FLG: variants seen among roughly 807,000 people sequenced by gnomAD.
FLG encodes filaggrin.
Under a neutral mutation model 3.8 loss-of-function variants are expected in FLG, and 6 were observed. The observed-to-expected ratio is 1.60, with a 90% CI of 0.87 to 3.15. The LOEUF is 3.15. FLG is among the 30% of genes most tolerant of loss of function. FLG has a pLI of 0.00. For missense variants in FLG, 7,595 were observed against 5,050.9 expected (o/e 1.50, Z -15.27); for synonymous variants, 2,551 against 1,931.6 (o/e 1.32, Z -8.41).
chr1:152,323,808 T>G (rs1334179952), intron 1 of FLG, among the ~76,000 whole-genome samples: 6 of 151,748 alleles, frequency 4.0e-5, no homozygotes, highest in Non-Finnish European at 8.8e-5. Flanking sequence ...TACATATGTG[T>G]AACCAAAAGT....
Position 152,309,460 on chromosome 1 carries a change from C to T in FLG, c.5426G>A (p.Gly1809Asp). ...DSSRHSASQE[G>D]QDTIRGHPGS... ...TGGGTGTCCACGAATGGTGTCCTGA[C>T]CCTCTTGGGACGCTGAGTGCCTGGA... Residue 1809 changes from glycine to aspartate, a missense_variant, in exon 3 of 3, where the codon GGT (glycine) becomes GAT (aspartate). Physicochemically the swap from Gly to Asp is moderately conservative, Grantham distance 94 (BLOSUM62 -1). Transcript: ENST00000368799. 2 of 1,612,916 alleles carry T rather than the reference C, an allele frequency of 1.2e-6. No individual in the cohort carries two copies. The highest frequency in any genetic ancestry group is 1.7e-6 in the Non-Finnish European group (2 of 1,179,844).
At position 152,314,693 on chromosome 1, in the gene FLG, G is replaced by T. The variant is rs770009613; in HGVS notation, c.193C>A (p.His65Asn). ...TCAGTGAAGTCAATTTTCTTGTTGT[G>T]GTCTATATCCAAGTGATCCATGAAG... ...DVFMDHLDID[H>N]NKKIDFTEFL... Residue 65 changes from histidine to asparagine, a missense_variant, in exon 3 of 3, where the codon CAC becomes AAC. His to Asn is a moderately conservative substitution (Grantham distance 68). Coordinates refer to ENST00000368799, the MANE Select transcript of FLG (RefSeq NM_002016.2). 59 of 1,613,690 alleles carry T rather than the reference G, an allele frequency of 3.7e-5. No individual in the cohort carries two copies. Among genetic ancestry groups the T allele is most frequent in the Middle Eastern group, 1.6e-4 (1 of 6,082 alleles).
chr1:152,315,762 C>A (rs1056865395), intron 1 of FLG, among the ~76,000 whole-genome samples: 11 of 152,170 alleles, frequency 7.2e-5, no homozygotes, highest in Admixed American at 7.2e-4. Context: ...ATCCCTCTTG[C>A]TGATCTTGCC....
chr1:152,309,190 T>G lies in FLG; in HGVS notation c.5696A>C (p.Gln1899Pro). The change falls in exon 3 of 3, where the codon CAG becomes CCG. Residue 1899 changes from glutamine (Q) to proline (P), a missense_variant. Gln to Pro is a moderately conservative substitution (Grantham distance 76, BLOSUM62 -1). Coordinates refer to ENST00000368799, the MANE Select transcript of FLG (RefSeq NM_002016.2). ...SSRADSSRHS[Q>P]VGQGQSSGPR... is the part of the protein sequence containing the mutation. ...CCCTGATGATTGTCCCTGGCCCACC[T>G]GCGAGTGTCTAGAGCTGTCGGCCCG... The G allele has an allele frequency of 6.2e-7, 1 of 1,613,556 alleles. No homozygotes were observed. Among genetic ancestry groups the G allele is most frequent in the Non-Finnish European group, 8.5e-7 (1 of 1,179,882 alleles).
At chr1:152,320,770 C>T (rs1299507352) in intron 1 of FLG, among the ~76,000 whole-genome samples, 1 of 150,908 alleles carries the variant, frequency 6.6e-6, no homozygotes, top group African/African-American at 2.4e-5. Context: ...TGAAATTGAC[C>T]ATATACTGGG....
chr1:152,312,058 C>T lies in FLG; in HGVS notation c.2828G>A (p.Gly943Glu). 1.2e-6 allele frequency: 2 copies of T among 1,614,110 alleles called. No homozygotes were observed. Among genetic ancestry groups the T allele is most frequent in the Non-Finnish European group, 1.7e-6 (2 of 1,180,024 alleles). The stretch of plus-strand genomic sequence containing the variant: ...GTCACTGTCCTGGCTAACACTGGAT[C>T]CCTGGCGCCTGCTTGTCCTGGACCC... ...SEGSRTSRRQ[G>E]SSVSQDSDSE... Residue 943 changes from glycine to glutamate, a missense_variant, in exon 3 of 3, where the codon GGA becomes GAA. Gly to Glu is a moderately conservative substitution (Grantham distance 98, BLOSUM62 -2). Transcript: ENST00000368799.
chr1:152,304,685 C>T lies in FLG; in HGVS notation c.10201G>A (p.Gly3401Arg). The change falls in exon 3 of 3, where the codon GGG becomes AGG. Residue 3401 changes from glycine (G) to arginine (R), a missense_variant. Physicochemically the swap from Gly to Arg is moderately radical, Grantham distance 125 (BLOSUM62 -2). Transcript: ENST00000368799. The part of the protein sequence containing the change: ...STHEQSESAH[G>R]RTRTSTGRRQ... ...CGTCCAGTGCTGGTCCTGGTCCGCC[C>T]ATGGGCAGACTCAGACTGTTCATGA... The T allele has an allele frequency of 2.5e-6, 4 of 1,612,650 alleles. No homozygotes were observed. The highest frequency in any genetic ancestry group is 3.4e-6 in the Non-Finnish European group (4 of 1,179,416).
In FLG at chr1:152,312,029, C is replaced by G. The variant is rs201137357; in HGVS notation, c.2857G>C (p.Glu953Gln). The change falls in exon 3 of 3, where the codon GAG (glutamate) becomes CAG (glutamine). Residue 953 changes from glutamate (E) to glutamine (Q), a missense_variant. Coordinates refer to ENST00000368799, the MANE Select transcript of FLG (RefSeq NM_002016.2). ...CTCTCAGAGTCTTCTGAATGTCCCT[C>G]ACTGTCACTGTCCTGGCTAACACTG... is the stretch of plus-strand genomic sequence containing the variant. ...GSSVSQDSDS[E>Q]GHSEDSERWS... is the part of the protein sequence containing the mutation. The G allele has an allele frequency of 6.0e-3, 9,150 of 1,513,272 alleles. 82 individuals carry two copies. In the African/African-American group the frequency reaches 0.15, roughly 25 times the overall value. 93.7% of individuals were successfully genotyped at this position (1,513,272 alleles called of 1,614,324 possible).
In FLG at chr1:152,304,199, G is replaced by A. The variant is rs199562838; in HGVS notation, c.10687C>T (p.His3563Tyr). Reference sequence around the variant, plus strand: ...GACTGCTCCTGAGCAGATCCACGATGGTTTCTGGAAGCAGACCCAGACCAC... The same window carrying A: ...GACTGCTCCTGAGCAGATCCACGATAGTTTCTGGAAGCAGACCCAGACCAC... ...ERWSGSASRN[H>Y]RGSAQEQSRD... Residue 3563 changes from histidine to tyrosine, a missense_variant, in exon 3 of 3, where the codon CAT becomes TAT. Coordinates refer to ENST00000368799, the MANE Select transcript of FLG (RefSeq NM_002016.2). 1 of 1,611,622 alleles carries A rather than the reference G, an allele frequency of 6.2e-7. No homozygotes were observed. Among genetic ancestry groups the A allele is most frequent in the East Asian group, 2.2e-5 (1 of 44,502 alleles).
chr1:152,304,650 T>A lies in FLG; in HGVS notation c.10236A>T (p.Gly3412=), dbSNP rs762349383. The A allele has an allele frequency of 2.5e-6, 4 of 1,612,010 alleles. No individual in the cohort carries two copies. Among genetic ancestry groups the A allele is most frequent in the African/African-American group, 1.3e-5 (1 of 74,808 alleles). The change falls in exon 3 of 3, where the codon GGA becomes GGT. Residue 3412 remains glycine, a synonymous_variant. Transcript: ENST00000368799. ...TGTCTCGTGCCTGCTCGTGGTGGGA[T>A]CCTTGTCTTCGTCCAGTGCTGGTCC... ...RTRTSTGRRQ[G]SHHEQARDSS...
Position 152,311,238 on chromosome 1 carries a change from T to G in FLG, c.3648A>C (p.Ala1216=), listed in dbSNP as rs754211406. 3.7e-6 allele frequency: 6 copies of G among 1,613,840 alleles called. No individual in the cohort carries two copies. The highest frequency in any genetic ancestry group is 2.2e-5 in the South Asian group (2 of 91,064). Reference sequence around the variant, plus strand: ...GTTTGTCCTTACGAGTTTGTCTGCTTGCACTTCTGGATCCTGACTGCCCAT... The same window carrying G: ...GTTTGTCCTTACGAGTTTGTCTGCTGGCACTTCTGGATCCTGACTGCCCAT... ...ASHGQSGSRS[A]SRQTRKDKQS... is the part of the protein sequence containing the mutation. Residue 1216 remains alanine, a synonymous_variant, in exon 3 of 3, where the codon GCA becomes GCC. Transcript: ENST00000368799.
intron 1 of FLG, among the ~76,000 whole-genome samples, chr1:152,320,966 AT>A (rs1652948278): frequency 6.6e-6 from 1 of 151,008 alleles, no homozygotes; most frequent in African/African-American, 2.4e-5. Flanking sequence ...ATTAGAAAAT[AT>A]TTTGAACTAA....
Position 152,311,521 on chromosome 1 carries a change from C to T in FLG, c.3365G>A (p.Ser1122Asn), listed in dbSNP as rs1313986009. The change falls in exon 3 of 3, where the codon AGC becomes AAC. Residue 1122 changes from serine (S) to asparagine (N), a missense_variant. Transcript: ENST00000368799. ...GRSGSFIYQV[S>N]THEQSESAHG... ...GGCAGACTCAGACTGTTCATGAGTG[C>T]TCACCTGGTAGATGAAAGACCCTGA... The T allele has an allele frequency of 1.2e-6, 2 of 1,613,790 alleles. No individual in the cohort carries two copies. Among genetic ancestry groups the T allele is most frequent in the Non-Finnish European group, 1.7e-6 (2 of 1,179,968 alleles).
At position 152,306,216 on chromosome 1, in the gene FLG, A is replaced by G. The variant is rs146664723; in HGVS notation, c.8670T>C (p.Ser2890=). 135 of 1,604,186 alleles carry G rather than the reference A, an allele frequency of 8.4e-5. 1 individual carries two copies. In the African/African-American group the frequency reaches 1.8e-3, roughly 22 times the overall value. The part of the protein sequence containing the change: ...GSRRSRRQGS[S]VSQDSDSEGH... ...CCTCACTGTCACTGTCCTGGCTCAC[A>G]CTGGATCCCTGGCGCCTGCTTCTCC... The change falls in exon 3 of 3, where the codon AGT becomes AGC. Residue 2890 remains serine (S), a synonymous_variant. Coordinates refer to ENST00000368799, the MANE Select transcript of FLG (RefSeq NM_002016.2).
At position 152,310,134 on chromosome 1, in the gene FLG, G is replaced by A; in HGVS notation, c.4752C>T (p.Ser1584=). 2 of 1,613,930 alleles carry A rather than the reference G, an allele frequency of 1.2e-6. No homozygotes were observed. The highest frequency in any genetic ancestry group is 1.3e-5 in the African/African-American group (1 of 74,956). ...SQVGQGESAG[S]KTSRRQGSSV... ...TGGATCCCTGGCGCCTGCTTGTCTT[G>A]GACCCCGCTGATTCTCCCTGGCCCA... Residue 1584 remains serine (S), a synonymous_variant, in exon 3 of 3, where the codon TCC becomes TCT. Coordinates refer to ENST00000368799, the MANE Select transcript of FLG (RefSeq NM_002016.2).
chr1:152,310,852 G>C lies in FLG; in HGVS notation c.4034C>G (p.Ser1345Cys), dbSNP rs780478963. ...TGGACTTGATCTTGCCTGTTCATGG[G>C]ATGACACAGCCTGTCCATGAGAGGA... ...ESSSHGQAVS[S>C]HEQARSSPGE... Residue 1345 changes from serine (S) to cysteine (C), a missense_variant, in exon 3 of 3, where the codon TCC becomes TGC. Coordinates refer to ENST00000368799, the MANE Select transcript of FLG (RefSeq NM_002016.2). 4 of 1,613,830 alleles carry C rather than the reference G, an allele frequency of 2.5e-6. No individual in the cohort carries two copies. In the South Asian group the frequency reaches 4.4e-5, roughly 18 times the overall value.
Position 152,310,753 on chromosome 1 carries a change from G to C in FLG, c.4133C>G (p.Ala1378Gly), listed in dbSNP as rs144375884. The C allele has an allele frequency of 5.0e-6, 8 of 1,613,916 alleles. No individual in the cohort carries two copies. Among genetic ancestry groups the C allele is most frequent in the Non-Finnish European group, 6.8e-6 (8 of 1,179,974 alleles). The change falls in exon 3 of 3, where the codon GCT becomes GGT. Residue 1378 changes from alanine (A) to glycine (G), a missense_variant. Ala to Gly is a moderately conservative substitution (Grantham distance 60). Transcript: ENST00000368799. ...SRHSGIGHRQ[A>G]SSAVRDSGHR... The stretch of plus-strand genomic sequence containing the variant: ...TCCACTGTCTCTGACTGCAGATGAA[G>C]CTTGTCTGTGCCCAATGCCTGAGTG...
At position 152,307,132 on chromosome 1, in the gene FLG, C is replaced by G. The variant is rs530189443; in HGVS notation, c.7754G>C (p.Gly2585Ala). 1 of 1,612,118 alleles carries G rather than the reference C, an allele frequency of 6.2e-7. No homozygotes were observed. The highest frequency in any genetic ancestry group is 2.2e-5 in the East Asian group (1 of 44,738). Reference protein sequence around the residue: ...GHSEDSERWSGSASRNHHGSA... With the variant: ...GHSEDSERWSASASRNHHGSA... ...TCCATGATGGTTTCTGGAAGCAGAC[C>G]CAGACCACCTCTCAGAGTCTTCTGA... is the stretch of plus-strand genomic sequence containing the variant. Residue 2585 changes from glycine (G) to alanine (A), a missense_variant, in exon 3 of 3, where the codon GGG becomes GCG. By Grantham distance (60) the Gly-to-Ala change is moderately conservative. Coordinates refer to ENST00000368799, the MANE Select transcript of FLG (RefSeq NM_002016.2).
chr1:152,321,054 A>C (rs575527592), intron 1 of FLG, among the ~76,000 whole-genome samples: 1 of 150,534 alleles, frequency 6.6e-6, no homozygotes, highest in Non-Finnish European at 1.5e-5. Flanking sequence ...TTTATAGCCT[A>C]TATATATATA....
Sources: allele counts gnomAD v4.1 joint callset (sites outside exome capture counted in the v4.1 genomes callset), GRCh38; gene constraint gnomAD v4.1.1; transcripts MANE v1.5; gene names NCBI Gene and HGNC (gene_info 2026-07-23, HGNC 2026-07-21).